The following ZNF469 variants were observed in gnomAD, a reference collection of about 807,000 sequenced individuals.
The protein encoded by ZNF469 is zinc finger protein 469.
A neutral mutation model predicts 1.0 loss-of-function variants in ZNF469; 1 was observed. The observed-to-expected ratio is 1.00, with a 90% confidence interval of 0.35 to 4.73. The LOEUF (loss-of-function observed/expected upper bound fraction) is 4.73. Among genes scored for constraint, ZNF469 ranks in the 30% most tolerant of loss-of-function variants. The pLI is 0.16. For missense variants in ZNF469, 6,100 were observed against 5,356.3 expected, an observed-to-expected ratio of 1.14 and a Z score of -4.33; for synonymous variants, 2,703 against 2,363.4, an observed-to-expected ratio of 1.14 and a Z score of -4.17.
chr16:88,121,130 GGC>G, the ZNF469 span, among the ~76,000 whole-genome samples: 1 of 140,954 alleles, frequency 7.1e-6, no homozygotes, highest in African/African-American at 2.6e-5. Context: ...TCGGGAGGGG[GGC>G]GCTGCATGAG....
At chr16:88,108,142 T>C in the ZNF469 span, among the ~76,000 whole-genome samples, 2 of 107,172 alleles carry the variant, frequency 1.9e-5, no homozygotes, top group African/African-American at 7.6e-5. Context: ...TCTGTGGGGA[T>C]GTGGGGATGG....
At chr16:88,351,606 C>G in the ZNF469 span, among the ~76,000 whole-genome samples, 1 of 152,116 alleles carries the variant, frequency 6.6e-6, no homozygotes. Context: ...GCCGCCGACG[C>G]TCCAATGACA....
At chr16:88,170,125 C>T in the ZNF469 span, among the ~76,000 whole-genome samples, 1 of 152,226 alleles carries the variant, frequency 6.6e-6, no homozygotes, top group Admixed American at 6.5e-5. The surrounding 1 kb of genome is among the most constrained non-coding windows in gnomAD (Gnocchi z 4.2). Flanking sequence ...CGCTTCCTAT[C>T]ACTGTGTTTC....
Position 88,428,502 on chromosome 16 carries a change from C to T in ZNF469, c.1032C>T (p.Gly344=), listed in dbSNP as rs1288235386. The part of the protein sequence containing the change: ...PLPCYQGQPG[G]LNRHSDLSGA... ...CCTGCTACCAGGGCCAGCCAGGTGG[C>T]CTGAACCGCCACAGCGACCTCAGTG... is the stretch of plus-strand genomic sequence containing the variant. Residue 344 remains glycine, a synonymous_variant, in exon 3 of 3, where the codon GGC becomes GGT. Coordinates refer to ENST00000565624, the MANE Select transcript of ZNF469 (RefSeq NM_001367624.2). The T allele has an allele frequency of 1.3e-6, 2 of 1,549,766 alleles. No individual in the cohort carries two copies. The highest frequency in any genetic ancestry group is 2.4e-5 in the East Asian group (1 of 40,908).
the ZNF469 span, among the ~76,000 whole-genome samples, chr16:88,139,293 G>A: frequency 6.6e-6 from 1 of 151,828 alleles, no homozygotes; most frequent in African/African-American, 2.4e-5. Flanking sequence ...ATGTGATGAG[G>A]AAAATTGCTG....
the ZNF469 span, among the ~76,000 whole-genome samples, chr16:88,215,193 C>T: frequency 2.6e-5 from 4 of 152,030 alleles, no homozygotes; most frequent in African/African-American, 9.7e-5. Flanking sequence ...GTCTATTTGC[C>T]TTTAATGTAA....
the ZNF469 span, among the ~76,000 whole-genome samples, chr16:88,131,671 G>A: frequency 3.3e-5 from 5 of 152,322 alleles, no homozygotes; most frequent in Admixed American, 2.0e-4. Context: ...TGGACCCCAC[G>A]TGCCAGTGCA....
At chr16:88,219,282 T>C in the ZNF469 span, among the ~76,000 whole-genome samples, 1 of 149,768 alleles carries the variant, frequency 6.7e-6, no homozygotes, top group Non-Finnish European at 1.5e-5. Context: ...AAAGTTCATA[T>C]GGAATCAAAA....
At chr16:88,170,693 G>A in the ZNF469 span, among the ~76,000 whole-genome samples, 2 of 152,054 alleles carry the variant, frequency 1.3e-5, no homozygotes, top group Non-Finnish European at 2.9e-5. The surrounding 1 kb of genome is among the most constrained non-coding windows in gnomAD (Gnocchi z 4.2). Context: ...CCAAGCAGCC[G>A]TTGGGATGGT....
chr16:88,298,978 G>A, the ZNF469 span, among the ~76,000 whole-genome samples: 2 of 152,186 alleles, frequency 1.3e-5, no homozygotes, highest in African/African-American at 4.8e-5. Flanking sequence ...ACGCTTGCCC[G>A]GGGAACCTAG....
At chr16:88,219,068 G>A in the ZNF469 span, among the ~76,000 whole-genome samples, 1 of 149,868 alleles carries the variant, frequency 6.7e-6, no homozygotes, top group Non-Finnish European at 1.5e-5. Flanking sequence ...CAAGGGATGT[G>A]AAGGACCTCT....
At chr16:88,319,250 G>C in the ZNF469 span, among the ~76,000 whole-genome samples, 1 of 152,080 alleles carries the variant, frequency 6.6e-6, no homozygotes, top group East Asian at 1.9e-4. Context: ...CCTTGCAGGT[G>C]GCCGAGACCT....
At position 88,435,096 on chromosome 16, in the gene ZNF469, A is replaced by G; in HGVS notation, c.7626A>G (p.Ser2542=). 1 of 1,550,316 alleles carries G rather than the reference A, an allele frequency of 6.5e-7. No homozygotes were observed. Among genetic ancestry groups the G allele is most frequent in the Non-Finnish European group, 8.7e-7 (1 of 1,146,962 alleles). Residue 2542 remains serine, a synonymous_variant, in exon 3 of 3, where the codon TCA becomes TCG. Transcript: ENST00000565624. Reference sequence around the variant, plus strand: ...CTGGGAAGGAGAGACCAAATCACTCACGGGGAGACCCCAGCCACGTCACCC... The same window carrying G: ...CTGGGAAGGAGAGACCAAATCACTCGCGGGGAGACCCCAGCCACGTCACCC... ...RVSGKERPNH[S]RGDPSHVTQP... is the part of the protein sequence containing the mutation.
intron 1 of ZNF469, among the ~76,000 whole-genome samples, chr16:88,411,145 G>T (rs1383201807): frequency 6.6e-6 from 1 of 152,194 alleles, no homozygotes; most frequent in Non-Finnish European, 1.5e-5. Flanking sequence ...AGGTGCTGGG[G>T]TTAGGACTTG....
the ZNF469 span, among the ~76,000 whole-genome samples, chr16:88,104,325 A>C: frequency 7.2e-5 from 11 of 152,100 alleles, 1 homozygote; most frequent in South Asian, 2.3e-3. Context: ...ATCAAAGTGC[A>C]ATTCCGTTTA....
chr16:88,367,290 A>G, the ZNF469 span, among the ~76,000 whole-genome samples: 1 of 152,236 alleles, frequency 6.6e-6, no homozygotes, highest in Non-Finnish European at 1.5e-5. Flanking sequence ...GGCAAGACTC[A>G]ATCCTTCAAG....
the ZNF469 span, among the ~76,000 whole-genome samples, chr16:88,248,043 G>A: frequency 6.6e-6 from 1 of 152,152 alleles, no homozygotes; most frequent in African/African-American, 2.4e-5. Context: ...CACCCACACA[G>A]GGCTGCTCCA....
chr16:88,152,024 A>C, the ZNF469 span, among the ~76,000 whole-genome samples: 1 of 152,210 alleles, frequency 6.6e-6, no homozygotes, highest in Non-Finnish European at 1.5e-5. This position sits in a 1 kb window ranked among gnomAD's most constrained non-coding sequence, Gnocchi z 4.2. Flanking sequence ...GAAGAGATGG[A>C]AACGCCTGCT....
At chr16:88,198,109 G>T in the ZNF469 span, among the ~76,000 whole-genome samples, 1 of 152,268 alleles carries the variant, frequency 6.6e-6, no homozygotes, top group Non-Finnish European at 1.5e-5. Context: ...ACTGTCTCCT[G>T]AGTACCTGCT....
Sources: allele counts gnomAD v4.1 joint callset (sites outside exome capture counted in the v4.1 genomes callset), GRCh38; gene constraint gnomAD v4.1.1; non-coding constraint Gnocchi (gnomAD v3.1); transcripts MANE v1.5; gene names NCBI Gene and HGNC (gene_info 2026-07-23, HGNC 2026-07-21).